ZBTB20: variants seen among roughly 807,000 people sequenced by gnomAD.
The protein encoded by ZBTB20 is zinc finger and BTB domain-containing protein 20.
In ZBTB20, 9 loss-of-function variants were observed where a neutral mutation model predicts 56.9. That is an observed-to-expected ratio of 0.16 (90% CI 0.10 to 0.28). The LOEUF is 0.28. Among genes scored for constraint, ZBTB20 ranks in the 10% least tolerant of loss-of-function variants. The probability of loss-of-function intolerance (pLI) is 1.00; values close to 1 mark genes in which losing one functional copy is unlikely to be tolerated. For missense variants in ZBTB20, 655 were observed against 1,003.0 expected (o/e 0.65, Z 4.69); for synonymous variants, 417 against 420.7 (o/e 0.99, Z 0.11).
intron 7 of ZBTB20, among the ~76,000 whole-genome samples, chr3:114,402,459 C>G (rs1382540325): frequency 1.3e-5 from 2 of 152,130 alleles, no homozygotes; most frequent in African/African-American, 4.8e-5. Flanking sequence ...GCAAATCTGG[C>G]TGGATTTGAT....
At chr3:114,905,026 A>G (rs1262354820) in intron 3 of ZBTB20, among the ~76,000 whole-genome samples, 1 of 151,920 alleles carries the variant, frequency 6.6e-6, no homozygotes, top group Non-Finnish European at 1.5e-5. Context: ...TTAATATCAA[A>G]TTTCATGTAT....
chr3:114,517,353 G>A (rs1278870301), intron 6 of ZBTB20, among the ~76,000 whole-genome samples: 1 of 152,116 alleles, frequency 6.6e-6, no homozygotes, highest in Non-Finnish European at 1.5e-5. Flanking sequence ...ATTTTACTCT[G>A]TTTCTGACAC....
intron 6 of ZBTB20, among the ~76,000 whole-genome samples, chr3:114,560,850 G>A (rs572315256): frequency 2.5e-4 from 38 of 152,098 alleles, no homozygotes; most frequent in Non-Finnish European, 5.1e-4. Context: ...TTTTCACAAA[G>A]GATTTCTCTG....
chr3:114,412,804 T>C (rs182335476), intron 7 of ZBTB20, among the ~76,000 whole-genome samples: 1 of 152,248 alleles, frequency 6.6e-6, no homozygotes, highest in Non-Finnish European at 1.5e-5. Context: ...ATATCCAAAA[T>C]GAGCAAAAAC....
chr3:114,815,194 C>T (rs2108894588), intron 4 of ZBTB20, among the ~76,000 whole-genome samples: 1 of 152,294 alleles, frequency 6.6e-6, no homozygotes, highest in Non-Finnish European at 1.5e-5. Flanking sequence ...AATTTAGCTT[C>T]TGGCTCCCAT....
chr3:114,803,310 A>G (rs1467963344), intron 4 of ZBTB20, among the ~76,000 whole-genome samples: 1 of 151,784 alleles, frequency 6.6e-6, no homozygotes, highest in Non-Finnish European at 1.5e-5. Flanking sequence ...ATCACTTACA[A>G]CTACCAACAC....
intron 7 of ZBTB20, among the ~76,000 whole-genome samples, chr3:114,432,918 T>C (rs2090224031): frequency 6.6e-6 from 1 of 152,130 alleles, no homozygotes; most frequent in Non-Finnish European, 1.5e-5. Flanking sequence ...GTACAGATCA[T>C]ACGAACCTAA....
At chr3:114,755,114 C>A (rs1368016351) in intron 5 of ZBTB20, among the ~76,000 whole-genome samples, 1 of 152,124 alleles carries the variant, frequency 6.6e-6, no homozygotes, top group Non-Finnish European at 1.5e-5. Flanking sequence ...TCTAGATAAT[C>A]CTGATATAGG....
chr3:114,844,107 T>C (rs1054163096), intron 4 of ZBTB20, among the ~76,000 whole-genome samples: 8 of 151,900 alleles, frequency 5.3e-5, no homozygotes, highest in African/African-American at 1.9e-4. Context: ...AGTATGTCTA[T>C]ACAGTGGAAT....
At chr3:114,632,090 C>T (rs1032925456) in intron 6 of ZBTB20, among the ~76,000 whole-genome samples, 1 of 152,130 alleles carries the variant, frequency 6.6e-6, no homozygotes, top group African/African-American at 2.4e-5. Flanking sequence ...ACCATTCATC[C>T]GTTTTTACCT....
At chr3:114,448,307 A>T (rs2091395847) in intron 7 of ZBTB20, among the ~76,000 whole-genome samples, 1 of 151,984 alleles carries the variant, frequency 6.6e-6, no homozygotes, top group Non-Finnish European at 1.5e-5. Context: ...AAAACAGCTG[A>T]TCTTACTGGA....
chr3:114,834,644 T>G (rs1259083870), intron 4 of ZBTB20, among the ~76,000 whole-genome samples: 1 of 152,114 alleles, frequency 6.6e-6, no homozygotes, highest in Non-Finnish European at 1.5e-5. Flanking sequence ...CTCCAATCCT[T>G]GCACCTTTCC....
chr3:114,741,663 A>G (rs2108595537), intron 5 of ZBTB20, among the ~76,000 whole-genome samples: 1 of 151,936 alleles, frequency 6.6e-6, no homozygotes, highest in Non-Finnish European at 1.5e-5. Flanking sequence ...TCATGAGGTC[A>G]GGAGTTCAAG....
intron 5 of ZBTB20, among the ~76,000 whole-genome samples, chr3:114,781,763 T>A (rs1239768371): frequency 2.0e-5 from 3 of 152,064 alleles, no homozygotes; most frequent in African/African-American, 7.2e-5. Flanking sequence ...ATGGGGGCGG[T>A]TTCCCCCATA....
chr3:114,399,689 G>A (rs1343417974), intron 7 of ZBTB20, among the ~76,000 whole-genome samples: 1 of 152,068 alleles, frequency 6.6e-6, no homozygotes, highest in Non-Finnish European at 1.5e-5. Context: ...GGCCACCGGG[G>A]CAAGACTGCT....
intron 5 of ZBTB20, chr3:114,758,800 T>A (rs1353226218): frequency 6.6e-6 from 1 of 152,176 alleles, no homozygotes; most frequent in Non-Finnish European, 1.5e-5. Context: ...AAGTTGATTT[T>A]AAAAACTCAC....
intron 5 of ZBTB20, among the ~76,000 whole-genome samples, chr3:114,723,765 A>G (rs1160811875): frequency 1.3e-5 from 2 of 152,254 alleles, no homozygotes; most frequent in African/African-American, 4.8e-5. Context: ...CATTGTTCAG[A>G]GAAATTAGCC....
chr3:114,459,077 G>A (rs930936573), intron 7 of ZBTB20, among the ~76,000 whole-genome samples: 1 of 152,154 alleles, frequency 6.6e-6, no homozygotes, highest in Admixed American at 6.6e-5. Context: ...TATTATGCAG[G>A]AAGGTTTCTA....
chr3:114,973,472 A>G (rs2077971876), intron 3 of ZBTB20, among the ~76,000 whole-genome samples: 1 of 152,122 alleles, frequency 6.6e-6, no homozygotes, highest in South Asian at 2.1e-4. Context: ...AAAATGTTAT[A>G]AAGATTTGAT....
Sources: gnomAD v4.1 joint callset for allele counts (sites outside exome capture counted in the v4.1 genomes callset) on GRCh38, gnomAD v4.1.1 for gene constraint, MANE v1.5 for transcripts, NCBI Gene and HGNC (gene_info 2026-07-23, HGNC 2026-07-21) for gene names.